TENM3: variants seen among roughly 807,000 people sequenced by gnomAD.
TENM3 encodes the protein teneurin transmembrane protein 3.
In TENM3, 63 loss-of-function variants were observed where a neutral mutation model predicts 255.1. The observed-to-expected ratio is 0.25, with a 90% confidence interval of 0.20 to 0.30. TENM3 has a LOEUF of 0.30. Among genes scored for constraint, TENM3 ranks in the 10% least tolerant of loss-of-function variants. The probability of loss-of-function intolerance (pLI) is 1.00; values close to 1 mark genes in which losing one functional copy is unlikely to be tolerated. For synonymous variants in TENM3, 1,306 were observed against 1,322.3 expected, an observed-to-expected ratio of 0.99 and a Z score of 0.27; for missense variants, 2,929 against 3,461.1, an observed-to-expected ratio of 0.85 and a Z score of 3.86.
At chr4:181,744,205 G>A in the TENM3 span, among the ~76,000 whole-genome samples, 3 of 152,134 alleles carry the variant, frequency 2.0e-5, no homozygotes, top group Non-Finnish European at 4.4e-5. Flanking sequence ...GTACCACATT[G>A]TCTTTATGCA....
At chr4:182,268,265 C>G (rs1160307164) in intron 1 of TENM3, among the ~76,000 whole-genome samples, 2 of 152,148 alleles carry the variant, frequency 1.3e-5, no homozygotes. Context: ...CCAGTATCTC[C>G]TTTTGTTGAA....
At chr4:182,508,650 C>T (rs1376761482) in intron 3 of TENM3, among the ~76,000 whole-genome samples, 1 of 152,130 alleles carries the variant, frequency 6.6e-6, no homozygotes, top group Non-Finnish European at 1.5e-5. Context: ...ATGCAGGGTA[C>T]TAATTAGTGT....
the TENM3 span, among the ~76,000 whole-genome samples, chr4:181,791,729 T>C: frequency 6.6e-6 from 1 of 152,168 alleles, no homozygotes; most frequent in Non-Finnish European, 1.5e-5. Flanking sequence ...CTGATGCAGG[T>C]AACTGTGGTC....
chr4:181,823,404 A>T, the TENM3 span, among the ~76,000 whole-genome samples: 6 of 152,050 alleles, frequency 3.9e-5, no homozygotes, highest in African/African-American at 1.4e-4. Context: ...CTACTGTGGA[A>T]GTATGTGAAC....
chr4:182,438,395 A>G (rs1394722817), intron 3 of TENM3, among the ~76,000 whole-genome samples: 1 of 152,228 alleles, frequency 6.6e-6, no homozygotes, highest in Non-Finnish European at 1.5e-5. Flanking sequence ...TGGTTATGAA[A>G]CTACATGTTT....
chr4:182,590,557 AAAAAG>A lies in TENM3; in HGVS notation c.512-10362_512-10358del, dbSNP rs1279379673. Among the ~76,000 whole-genome samples, 125 of 150,604 alleles carry A rather than the reference AAAAAG, an allele frequency of 8.3e-4. 2 individuals carry two copies. In the East Asian group the frequency reaches 0.019, roughly 23 times the overall value. On this transcript the variant is annotated intron_variant, in intron 3 of 27. Transcript: ENST00000511685. ...CTGTCTCAAAAAAAAAAAAAAAAAA[AAAAAG>A]AAAAAGAAAAAGGTGGGCCAAGTGC... is the stretch of plus-strand genomic sequence containing the variant.
At chr4:182,212,359 A>G (rs1020713297) in intron 1 of TENM3, among the ~76,000 whole-genome samples, 1 of 152,202 alleles carries the variant, frequency 6.6e-6, no homozygotes, top group Admixed American at 6.5e-5. Flanking sequence ...AACAACTTGA[A>G]GGAGAGTGCC....
In TENM3 at chr4:182,800,245, A is replaced by G; in HGVS notation, c.7994A>G (p.Gln2665Arg). ...KRQLLSAGKV[Q>R]GYDGYYVLSV... ...CAGCTGCTGAGCGCCGGCAAGGTGC[A>G]GGGCTACGACGGGTACTACGTACTC... Residue 2665 changes from glutamine (Q) to arginine (R), a missense_variant, in exon 28 of 28, where the codon CAG (glutamine) becomes CGG (arginine). Gln to Arg is a conservative substitution (Grantham distance 43). This residue lies in a region of TENM3 where 476 missense variants were observed against 480.1 expected (regional missense o/e 0.99). Transcript: ENST00000511685. 1 of 1,593,494 alleles carries G rather than the reference A, an allele frequency of 6.3e-7. No homozygotes were observed. Among genetic ancestry groups the G allele is most frequent in the Non-Finnish European group, 8.5e-7 (1 of 1,178,094 alleles).
At chr4:182,560,546 C>T (rs1350415667) in intron 3 of TENM3, among the ~76,000 whole-genome samples, 1 of 152,194 alleles carries the variant, frequency 6.6e-6, no homozygotes, top group African/African-American at 2.4e-5. Flanking sequence ...GAGGCAAAGG[C>T]ACAGTTTCCC....
the TENM3 span, among the ~76,000 whole-genome samples, chr4:181,519,240 A>T: frequency 6.6e-6 from 1 of 152,200 alleles, no homozygotes; most frequent in Non-Finnish European, 1.5e-5. Context: ...AAATAAAAGA[A>T]AAACAGAGTG....
the TENM3 span, among the ~76,000 whole-genome samples, chr4:181,528,982 TA>T: frequency 6.6e-6 from 1 of 152,242 alleles, no homozygotes; most frequent in Non-Finnish European, 1.5e-5. Context: ...ATGAGTAGCA[TA>T]AATAAGATTA....
chr4:182,309,492 C>T (rs971282538), intron 1 of TENM3, among the ~76,000 whole-genome samples: 3 of 152,140 alleles, frequency 2.0e-5, no homozygotes, highest in African/African-American at 7.2e-5. Flanking sequence ...AGTCTGGAGA[C>T]TCTTCATCAG....
chr4:182,099,260 G>A, the TENM3 span, among the ~76,000 whole-genome samples: 23,409 of 151,686 alleles, frequency 0.15, 1,814 homozygotes, highest in Non-Finnish European at 0.17. Flanking sequence ...CGCCATGCCC[G>A]GCCATATGTG....
the TENM3 span, among the ~76,000 whole-genome samples, chr4:181,757,530 G>C: frequency 6.6e-6 from 1 of 152,128 alleles, no homozygotes. Flanking sequence ...ATTCTTTTCA[G>C]ATCACAAAAT....
At chr4:182,347,910 A>G (rs28483535) in intron 3 of TENM3, among the ~76,000 whole-genome samples, 25,827 of 152,148 alleles carry the variant, frequency 0.17, 2,445 homozygotes, top group East Asian at 0.35. Context: ...GAAAAGAAAA[A>G]TGGTTGTTTT....
At chr4:182,757,919 A>T (rs1382326916) in intron 22 of TENM3, among the ~76,000 whole-genome samples, 1 of 152,204 alleles carries the variant, frequency 6.6e-6, no homozygotes, top group Admixed American at 6.5e-5. Flanking sequence ...AAGGGCAACT[A>T]CACTATTCCA....
At chr4:181,709,443 A>G in the TENM3 span, among the ~76,000 whole-genome samples, 1 of 152,250 alleles carries the variant, frequency 6.6e-6, no homozygotes, top group Non-Finnish European at 1.5e-5. Context: ...GAGAGGTAGG[A>G]AAGTGTGAGA....
At chr4:182,407,495 A>G (rs1465375291) in intron 3 of TENM3, among the ~76,000 whole-genome samples, 14 of 152,228 alleles carry the variant, frequency 9.2e-5, no homozygotes. Flanking sequence ...CATTCTAACA[A>G]GAAAGAAAAT....
chr4:181,791,161 C>T, the TENM3 span, among the ~76,000 whole-genome samples: 2,811 of 152,254 alleles, frequency 0.018, 37 homozygotes, highest in Non-Finnish European at 0.028. Context: ...CAAATTGCCC[C>T]GGACCAGGCG....
Sources: gnomAD v4.1 joint callset for allele counts (sites outside exome capture counted in the v4.1 genomes callset) on GRCh38, gnomAD v4.1.1 for gene constraint, gnomAD v4.1.1 regional missense constraint, MANE v1.5 for transcripts, NCBI Gene and HGNC (gene_info 2026-07-23, HGNC 2026-07-21) for gene names.